The following ARHGEF33 variants were observed in gnomAD, a reference collection of about 807,000 sequenced individuals.
ARHGEF33 encodes Rho guanine nucleotide exchange factor 33, also known as DH and coiled-coil domain-containing protein ENSP00000381780.
ARHGEF33 carries 72 observed loss-of-function variants against 101.9 expected under a neutral mutation model. The ratio of observed to expected loss-of-function variants is 0.71; its 90% CI spans 0.58 to 0.86. The LOEUF is 0.86. Among genes scored for constraint, ARHGEF33 ranks in the 40% least tolerant of loss-of-function variants. The probability of loss-of-function intolerance (pLI) is 0.00; values close to 1 mark genes in which losing one functional copy is unlikely to be tolerated. For missense variants in ARHGEF33, 1,169 were observed against 1,111.3 expected, an observed-to-expected ratio of 1.05 and a Z score of -0.74; for synonymous variants, 499 against 442.5, an observed-to-expected ratio of 1.13 and a Z score of -1.60.
intron 17 of ARHGEF33, among the ~76,000 whole-genome samples, chr2:38,968,411 A>G (rs1668097329): frequency 6.6e-6 from 1 of 152,182 alleles, no homozygotes; most frequent in Non-Finnish European, 1.5e-5. Flanking sequence ...ACATCTTTAT[A>G]TCACCTGAAA....
chr2:38,967,954 T>TG (rs1668087617), intron 17 of ARHGEF33, among the ~76,000 whole-genome samples: 1 of 143,860 alleles, frequency 7.0e-6, no homozygotes, highest in Admixed American at 6.8e-5. Context: ...TTTTTTTTTT[T>TG]TTTTTTTTTT....
chr2:38,933,456 T>C (rs952128709), intron 7 of ARHGEF33, among the ~76,000 whole-genome samples: 1 of 152,114 alleles, frequency 6.6e-6, no homozygotes, highest in Non-Finnish European at 1.5e-5. Flanking sequence ...CGATCTCGGC[T>C]CACTGCAACC....
intron 15 of ARHGEF33, 195 bp from the exon 16 acceptor site, chr2:38,959,646 G>C (rs1667861820): frequency 3.5e-6 from 2 of 577,208 alleles, no homozygotes; most frequent in Non-Finnish European, 5.9e-6. Context: ...TCGGGCCTCC[G>C]CTCGACGGAC....
At chr2:38,922,370 A>G (rs956598338) in intron 4 of ARHGEF33, among the ~76,000 whole-genome samples, 5 of 152,186 alleles carry the variant, frequency 3.3e-5, no homozygotes, top group African/African-American at 1.2e-4. Flanking sequence ...ACAGGAGTCC[A>G]GAAGGGTAGA....
At position 38,960,091 on chromosome 2, in the gene ARHGEF33, C is replaced by A. The variant is rs754268697; in HGVS notation, c.1786C>A (p.Arg596Ser). 3.9e-6 allele frequency: 6 copies of A among 1,541,916 alleles called. 1 individual carries two copies. Among genetic ancestry groups the A allele is most frequent in the South Asian group, 3.6e-5 (3 of 83,854 alleles). ...EPLGNVERSL[R>S]APAELLPDAR... ...GCTGGGCAACGTGGAGCGCTCCCTGCGCGCCCCGGCCGAGCTCCTGCCCGA... is the reference window on the plus strand; with the variant it reads ...GCTGGGCAACGTGGAGCGCTCCCTGAGCGCCCCGGCCGAGCTCCTGCCCGA... The change falls in exon 16 of 18, where the codon CGC becomes AGC. Residue 596 changes from arginine to serine, a missense_variant. By Grantham distance (110) the Arg-to-Ser change is moderately radical. Coordinates refer to ENST00000409978, the MANE Select transcript of ARHGEF33 (RefSeq NM_001145451.5).
chr2:38,937,588 T>C (rs1259175784), intron 9 of ARHGEF33, 29 bp downstream of exon 9: 1 of 1,269,060 alleles, frequency 7.9e-7, no homozygotes, highest in East Asian at 2.5e-5. Context: ...TGCAGGCTAA[T>C]AGTTTAAAGA....
intron 2 of ARHGEF33, among the ~76,000 whole-genome samples, chr2:38,918,997 G>C (rs1427705557): frequency 6.6e-6 from 1 of 152,110 alleles, no homozygotes; most frequent in Non-Finnish European, 1.5e-5. Context: ...AGTGAGCCAT[G>C]ACTGCATCAC....
chr2:38,900,239 C>T (rs924649390), intron 2 of ARHGEF33, among the ~76,000 whole-genome samples: 1 of 151,972 alleles, frequency 6.6e-6, no homozygotes, highest in Non-Finnish European at 1.5e-5. Context: ...GCCTATAATT[C>T]CTGGTAGGAA....
chr2:38,969,888 G>A (rs1668128725), intron 17 of ARHGEF33, among the ~76,000 whole-genome samples: 1 of 152,184 alleles, frequency 6.6e-6, no homozygotes, highest in Non-Finnish European at 1.5e-5. Context: ...TCTATACAGA[G>A]GCTGTCAAAG....
intron 2 of ARHGEF33, among the ~76,000 whole-genome samples, chr2:38,897,994 G>C (rs766773115): frequency 6.6e-5 from 10 of 152,174 alleles, no homozygotes; most frequent in South Asian, 2.1e-4. Flanking sequence ...AGAGCACAAA[G>C]GGGTTGGTCC....
At chr2:38,940,898 C>A (rs1292505943) in intron 9 of ARHGEF33, among the ~76,000 whole-genome samples, 1 of 152,130 alleles carries the variant, frequency 6.6e-6, no homozygotes, top group African/African-American at 2.4e-5. Context: ...TCCTCATATG[C>A]TGAGTCAGCC....
At chr2:38,939,058 T>C (rs544720520) in intron 9 of ARHGEF33, among the ~76,000 whole-genome samples, 89 of 152,258 alleles carry the variant, frequency 5.8e-4, no homozygotes, top group African/African-American at 1.9e-3. Flanking sequence ...CTGCAACATC[T>C]GCCTCCCAGG....
chr2:38,969,434 C>G (rs1255359682), intron 17 of ARHGEF33: 2 of 169,184 alleles, frequency 1.2e-5, no homozygotes, highest in East Asian at 3.9e-4. Context: ...CCCCACACAC[C>G]CAGAATGCTG....
At chr2:38,895,657 A>ATT in intron 1 of ARHGEF33, 120 bp from the exon 2 acceptor site, 1 of 152,238 alleles carries the variant, frequency 6.6e-6, no homozygotes, top group Non-Finnish European at 1.5e-5. Flanking sequence ...GAAATCTTTA[A>ATT]CAACAGTGAA....
At position 38,959,970 on chromosome 2, in the gene ARHGEF33, GA is replaced by G; in HGVS notation, c.1666del (p.Thr556ArgfsTer10). 6.4e-7 allele frequency: 1 copy of G among 1,551,256 alleles called. No homozygotes were observed. The highest frequency in any genetic ancestry group is 1.2e-5 in the South Asian group (1 of 84,044). ...HERPESLLAP[T>X]QFCAAEQDVK... ...AGCGGCCCGAGAGCCTTCTGGCACCGACGCAGTTCTGCGCGGCCGAGCAGGA... is the reference window on the plus strand; with the variant it reads ...AGCGGCCCGAGAGCCTTCTGGCACCGCGCAGTTCTGCGCGGCCGAGCAGGA... On this transcript the variant is annotated frameshift_variant, in exon 16 of 18. Coordinates refer to ENST00000409978, the MANE Select transcript of ARHGEF33 (RefSeq NM_001145451.5). LOFTEE classifies it high-confidence loss of function.
chr2:38,905,189 A>C (rs568869145), intron 2 of ARHGEF33, among the ~76,000 whole-genome samples: 3 of 152,306 alleles, frequency 2.0e-5, no homozygotes, highest in Non-Finnish European at 4.4e-5. Context: ...TAGCCGAAAA[A>C]AAAAAAGCCA....
chr2:38,946,920 C>T (rs906785972), intron 10 of ARHGEF33, among the ~76,000 whole-genome samples: 7 of 152,144 alleles, frequency 4.6e-5, no homozygotes, highest in Non-Finnish European at 2.9e-5. Context: ...GCCACTGTGC[C>T]CAGCCTTTGT....
chr2:38,957,201 A>G (rs940068646), intron 14 of ARHGEF33, among the ~76,000 whole-genome samples, 154 bp downstream of exon 14: 4 of 152,196 alleles, frequency 2.6e-5, no homozygotes, highest in African/African-American at 9.7e-5. Context: ...CAGACTGGTT[A>G]TAGGAGCAAG....
At chr2:38,905,732 C>A (rs992599377) in intron 2 of ARHGEF33, among the ~76,000 whole-genome samples, 1 of 152,166 alleles carries the variant, frequency 6.6e-6, no homozygotes, top group African/African-American at 2.4e-5. Context: ...AATGGAAGAC[C>A]CTCTGAAGAG....
Sources: allele counts gnomAD v4.1 joint callset (sites outside exome capture counted in the v4.1 genomes callset), GRCh38; gene constraint gnomAD v4.1.1; transcripts MANE v1.5; gene names NCBI Gene and HGNC (gene_info 2026-07-23, HGNC 2026-07-21).